The following PRAMEF2 variants were observed in gnomAD, a reference collection of about 807,000 sequenced individuals.
PRAMEF2 encodes the protein PRAME family member 2.
PRAMEF2 carries 35 observed loss-of-function variants against 38.0 expected under a neutral mutation model. That is an observed-to-expected ratio of 0.92 (90% confidence interval 0.70 to 1.22). The LOEUF is 1.22. Among genes scored for constraint, PRAMEF2 ranks in the 50% most tolerant of loss-of-function variants. The pLI, the probability that PRAMEF2 is intolerant of heterozygous loss-of-function variation, is 0.00. For missense variants in PRAMEF2, 562 were observed against 553.9 expected (o/e 1.01, Z -0.15); for synonymous variants, 240 against 232.4 (o/e 1.03, Z -0.30).
chr1:12,857,947 C>A (rs1317424294), intron 1 of PRAMEF2, among the ~76,000 whole-genome samples: 1 of 146,252 alleles, frequency 6.8e-6, no homozygotes, highest in Non-Finnish European at 1.5e-5. Flanking sequence ...GATCTGCCCC[C>A]CTCAGACTCC....
In PRAMEF2 at chr1:12,860,283, T is replaced by C. The variant is rs1557628851; in HGVS notation, c.866+12T>C. ...GAACAGCTGATCAGGTGAGAAAGGA[T>C]TGTGCACTTTGTATGCAGACCACAG... On this transcript the variant is annotated intron_variant, in intron 3 of 3. Transcript: ENST00000240189. 1.9e-6 allele frequency: 3 copies of C among 1,605,192 alleles called. No individual in the cohort carries two copies. In the South Asian group the frequency reaches 3.3e-5, roughly 18 times the overall value.
In PRAMEF2 at chr1:12,857,987, G is replaced by C. The variant is rs4026152; in HGVS notation, c.-26+840G>C. Among the ~76,000 whole-genome samples the C allele has an allele frequency of 5.0e-3, 593 of 118,394 alleles. 4 individuals are homozygous for C. Among genetic ancestry groups the C allele is most frequent in the East Asian group, 0.031 (103 of 3,292 alleles). 77.7% of individuals were successfully genotyped at this position (118,394 alleles called of 152,430 possible). A position where few individuals can be genotyped will look rare whatever the true frequency, so the allele number is the denominator to read the frequency against. On this transcript the variant is annotated intron_variant, in intron 1 of 3. Coordinates refer to ENST00000240189, the MANE Select transcript of PRAMEF2 (RefSeq NM_023014.1). Reference sequence around the variant, plus strand: ...GTGCTGGGATTACAGGAGTAAGCCAGCATGCCCAGCTACAGTTAGCATTTC... The same window carrying C: ...GTGCTGGGATTACAGGAGTAAGCCACCATGCCCAGCTACAGTTAGCATTTC...
At chr1:12,861,126 T>C in intron 3 of PRAMEF2, 95 bp from the exon 4 acceptor site, 7 of 1,378,170 alleles carry the variant, frequency 5.1e-6, no homozygotes, top group Non-Finnish European at 7.0e-6. Context: ...AACAAACTTG[T>C]GTTTGGTTGA....
intron 3 of PRAMEF2, among the ~76,000 whole-genome samples, chr1:12,860,558 T>C: frequency 6.7e-6 from 1 of 149,748 alleles, no homozygotes; most frequent in South Asian, 2.1e-4. Context: ...ACGTGTGAAT[T>C]TCCTGTTACA....
Position 12,861,343 on chromosome 1 carries a change from T to C in PRAMEF2, c.989T>C (p.Val330Ala). ...CTAAAGCATCTGAATCTCAGCTACG[T>C]GCTGCTGTTCCGCATCAGTCTTGAA... Reference protein sequence around the residue: ...GYLKHLNLSYVLLFRISLEPL... With the variant: ...GYLKHLNLSYALLFRISLEPL... The change falls in exon 4 of 4, where the codon GTG becomes GCG. Residue 330 changes from valine (V) to alanine (A), a missense_variant. This residue lies in a region of PRAMEF2 where 486 missense variants were observed against 444.2 expected (regional missense o/e 1.09). Coordinates refer to ENST00000240189, the MANE Select transcript of PRAMEF2 (RefSeq NM_023014.1). The C allele has an allele frequency of 1.9e-6, 3 of 1,606,900 alleles. No individual in the cohort carries two copies. The highest frequency in any genetic ancestry group is 1.1e-5 in the South Asian group (1 of 90,508).
Position 12,859,676 on chromosome 1 carries a change from CCTTA to C in PRAMEF2, c.288-13_288-10del, listed in dbSNP as rs780983758. 3.1e-6 allele frequency: 5 copies of C among 1,605,666 alleles called. No homozygotes were observed. In the East Asian group the frequency reaches 1.1e-4, roughly 36 times the overall value. On this transcript the variant is annotated splice_polypyrimidine_tract_variant and intron_variant, in intron 2 of 3. Coordinates refer to ENST00000240189, the MANE Select transcript of PRAMEF2 (RefSeq NM_023014.1). Reference sequence around the variant, plus strand: ...AGTCCCTCTAAATTCTGAGCCTCTCCCTTACTTTACCCACAGGAGGTGGAAACTT... The same window carrying C: ...AGTCCCTCTAAATTCTGAGCCTCTCCCTTTACCCACAGGAGGTGGAAACTT...
rs752584423 is a variant in PRAMEF2 at position 12,860,097 on chromosome 1, T to C, written c.692T>C (p.Met231Thr). 1.2e-6 allele frequency: 2 copies of C among 1,606,464 alleles called. No homozygotes were observed. The highest frequency in any genetic ancestry group is 2.2e-5 in the East Asian group (1 of 44,714). Reference protein sequence around the residue: ...IRKLYCYLKEMKTLCKLVFSR... With the variant: ...IRKLYCYLKETKTLCKLVFSR... Reference sequence around the variant, plus strand: ...AAGCTTTATTGTTACCTGAAGGAGATGAAGACTCTTTGCAAACTCGTTTTC... The same window carrying C: ...AAGCTTTATTGTTACCTGAAGGAGACGAAGACTCTTTGCAAACTCGTTTTC... Residue 231 changes from methionine (M) to threonine (T), a missense_variant, in exon 3 of 4, where the codon ATG (methionine) becomes ACG (threonine). By Grantham distance (81) the Met-to-Thr change is moderately conservative. Coordinates refer to ENST00000240189, the MANE Select transcript of PRAMEF2 (RefSeq NM_023014.1).
In PRAMEF2 at chr1:12,861,163, C is replaced by T. The variant is rs1463496321; in HGVS notation, c.867-58C>T. The T allele has an allele frequency of 4.5e-6, 7 of 1,551,212 alleles. 2 individuals carry two copies. In the African/African-American group the frequency reaches 8.3e-5, roughly 18 times the overall value. ...GCAGGTATTTTCCTTGAGGTTATTC[C>T]CCACTACCTTCATCTAACTGGTACC... On this transcript the variant is annotated intron_variant, in intron 3 of 3. Coordinates refer to ENST00000240189, the MANE Select transcript of PRAMEF2 (RefSeq NM_023014.1).
At position 12,861,369 on chromosome 1, in the gene PRAMEF2, C is replaced by G. The variant is rs751705997; in HGVS notation, c.1015C>G (p.Pro339Ala). Residue 339 changes from proline to alanine, a missense_variant, in exon 4 of 4, where the codon CCC becomes GCC. By Grantham distance (27) the Pro-to-Ala change is conservative (BLOSUM62 -1). This residue lies in a region of PRAMEF2 where 486 missense variants were observed against 444.2 expected (regional missense o/e 1.09). Transcript: ENST00000240189. Reference protein sequence around the residue: ...YVLLFRISLEPLGALLEKIAA... With the variant: ...YVLLFRISLEALGALLEKIAA... ...GCTGCTGTTCCGCATCAGTCTTGAA[C>G]CCCTAGGAGCTCTGCTAGAGAAAAT... 9 of 1,606,172 alleles carry G rather than the reference C, an allele frequency of 5.6e-6. No individual in the cohort carries two copies. The East Asian group carries it at 1.8e-4, about 32-fold the overall frequency.
rs557224853 is a variant in PRAMEF2 at position 12,861,863 on chromosome 1, T to G, written c.*84T>G. 1 of 1,508,712 alleles carries G rather than the reference T, an allele frequency of 6.6e-7. No homozygotes were observed. 93.5% of individuals were successfully genotyped at this position (1,508,712 alleles called of 1,614,324 possible). A position where few individuals can be genotyped will look rare whatever the true frequency, so the allele number is the denominator to read the frequency against. On this transcript the variant is annotated 3_prime_UTR_variant, in exon 4 of 4. Transcript: ENST00000240189. Reference sequence around the variant, plus strand: ...TAAAATCTACTATGTAGGTGCAAACTATTTTTCTCTTTTCTTATTTATTTC... The same window carrying G: ...TAAAATCTACTATGTAGGTGCAAACGATTTTTCTCTTTTCTTATTTATTTC...
chr1:12,857,353 T>G (rs1444354454), intron 1 of PRAMEF2, among the ~76,000 whole-genome samples: 1 of 149,668 alleles, frequency 6.7e-6, no homozygotes, highest in African/African-American at 2.5e-5. Flanking sequence ...ATTTTAAAAT[T>G]CTTATGGAAG....
intron 3 of PRAMEF2, among the ~76,000 whole-genome samples, chr1:12,860,896 G>C (rs201142203): frequency 0.054 from 7,893 of 147,414 alleles, 169 homozygotes; most frequent in East Asian, 0.22. Flanking sequence ...AGACCTTGCT[G>C]AGTTGAGTTC....
rs753209385 is a variant in PRAMEF2, at chr1:12,859,046, G to C, written c.37G>C (p.Ala13Pro). The C allele has an allele frequency of 4.4e-6, 7 of 1,604,082 alleles. No homozygotes were observed. The highest frequency in any genetic ancestry group is 2.2e-4 in the Middle Eastern group (1 of 4,644). Residue 13 changes from alanine to proline, a missense_variant, in exon 2 of 4, where the codon GCG (alanine) becomes CCG (proline). Around this residue, in one of 2 missense-constraint regions of PRAMEF2, gnomAD observed 486 missense variants for 444.2 expected, o/e 1.09. Coordinates refer to ENST00000240189, the MANE Select transcript of PRAMEF2 (RefSeq NM_023014.1). ...IQAPPRLLEL[A>P]GQSLLRDQAL... ...GGCCCCACCGAGACTACTGGAGCTG[G>C]CGGGGCAGAGCCTGCTGAGAGACCA...
intron 3 of PRAMEF2, among the ~76,000 whole-genome samples, 185 bp downstream of exon 3, chr1:12,860,456 C>T (rs1375078790): frequency 4.0e-5 from 6 of 149,956 alleles, no homozygotes; most frequent in Admixed American, 1.4e-4. Context: ...AGGATCGCTC[C>T]AATAAGGGCA....
In PRAMEF2 at chr1:12,861,309, C is replaced by T; in HGVS notation, c.955C>T (p.Leu319Phe). 1 of 1,607,064 alleles carries T rather than the reference C, an allele frequency of 6.2e-7. No homozygotes were observed. The highest frequency in any genetic ancestry group is 8.5e-7 in the Non-Finnish European group (1 of 1,176,696). Reference sequence around the variant, plus strand: ...GAAGTGTCTCTCCCAGTTCCCAAGCCTCGGTTACCTAAAGCATCTGAATCT... The same window carrying T: ...GAAGTGTCTCTCCCAGTTCCCAAGCTTCGGTTACCTAAAGCATCTGAATCT... ...DLKCLSQFPSLGYLKHLNLSY... is the reference protein window; with the variant it reads ...DLKCLSQFPSFGYLKHLNLSY... Residue 319 changes from leucine to phenylalanine, a missense_variant, in exon 4 of 4, where the codon CTC (leucine) becomes TTC (phenylalanine). Leu to Phe is a conservative substitution (Grantham distance 22, BLOSUM62 0). Around this residue, in one of 2 missense-constraint regions of PRAMEF2, gnomAD observed 486 missense variants for 444.2 expected, o/e 1.09. Coordinates refer to ENST00000240189, the MANE Select transcript of PRAMEF2 (RefSeq NM_023014.1).
intron 3 of PRAMEF2, among the ~76,000 whole-genome samples, chr1:12,860,825 G>C (rs1170563673): frequency 1.3e-5 from 2 of 150,128 alleles, no homozygotes; most frequent in Non-Finnish European, 3.0e-5. Flanking sequence ...GTGACAGTTG[G>C]TTTGCAGATG....
In PRAMEF2 at chr1:12,860,726, G is replaced by A. The variant is rs371585587; in HGVS notation, c.866+455G>A. On this transcript the variant is annotated intron_variant, in intron 3 of 3. Coordinates refer to ENST00000240189, the MANE Select transcript of PRAMEF2 (RefSeq NM_023014.1). ...GTCTTTAATTCCCTGTCTGCAAAAC[G>A]TTGTTTTGAACTCCAGGAAAGGTAA... 5.9e-4 allele frequency among the ~76,000 whole-genome samples: 89 copies of A among 150,488 alleles called. 3 individuals are homozygous for A. Among genetic ancestry groups the A allele is most frequent in the Middle Eastern group, 3.4e-3 (1 of 292 alleles).
At chr1:12,858,869 G>C in intron 1 of PRAMEF2, 116 bp from the exon 2 acceptor site, 1 of 1,195,582 alleles carries the variant, frequency 8.4e-7, no homozygotes, top group Non-Finnish European at 1.2e-6. Flanking sequence ...CAGTGGAATT[G>C]GGGTAAAGTG....
Position 12,858,999 on chromosome 1 carries a change from G to T in PRAMEF2, c.-11G>T. 6.3e-7 allele frequency: 1 copy of T among 1,597,190 alleles called. No homozygotes were observed. Among genetic ancestry groups the T allele is most frequent in the Non-Finnish European group, 8.5e-7 (1 of 1,174,366 alleles). ...TTGTCTTCTAGAGATTTTTCTTGCA[G>T]ATCCATCAGGATGAGCATCCAGGCC... is the stretch of plus-strand genomic sequence containing the variant. On this transcript the variant is annotated 5_prime_UTR_variant, in exon 2 of 4. Transcript: ENST00000240189.
Sources: gnomAD v4.1 joint callset for allele counts (sites outside exome capture counted in the v4.1 genomes callset) on GRCh38, gnomAD v4.1.1 for gene constraint, gnomAD v4.1.1 regional missense constraint, MANE v1.5 for transcripts, NCBI Gene and HGNC (gene_info 2026-07-23, HGNC 2026-07-21) for gene names.